The following EHBP1 variants were observed in gnomAD, a reference collection of about 807,000 sequenced individuals.
EHBP1 encodes the protein EH domain binding protein 1.
Under a neutral mutation model 144.0 loss-of-function variants are expected in EHBP1, and 55 were observed. That is an observed-to-expected ratio of 0.38 (90% CI 0.31 to 0.48). The LOEUF (loss-of-function observed/expected upper bound fraction) is 0.48. EHBP1 is among the 20% of genes least tolerant of loss of function. The pLI, the probability that EHBP1 is intolerant of heterozygous loss-of-function variation, is 0.98. For missense variants in EHBP1, 1,200 were observed against 1,364.2 expected (o/e 0.88, Z 1.90); for synonymous variants, 469 against 472.7 (o/e 0.99, Z 0.10).
intron 7 of EHBP1, among the ~76,000 whole-genome samples, chr2:62,854,887 G>A (rs2048926167): frequency 6.6e-6 from 1 of 152,190 alleles, no homozygotes; most frequent in Non-Finnish European, 1.5e-5. Flanking sequence ...CTGAGTTGGG[G>A]CTGGAGCTCC....
At chr2:62,836,639 C>T (rs1292271276) in intron 7 of EHBP1, among the ~76,000 whole-genome samples, 1 of 105,736 alleles carries the variant, frequency 9.5e-6, no homozygotes, top group African/African-American at 3.7e-5. Flanking sequence ...CAGAGAAGTG[C>T]TTAAAGGAGC....
At chr2:62,772,517 A>G (rs1262701822) in intron 5 of EHBP1, among the ~76,000 whole-genome samples, 1 of 152,258 alleles carries the variant, frequency 6.6e-6, no homozygotes, top group Non-Finnish European at 1.5e-5. Flanking sequence ...CTCTCCAAAC[A>G]TTTATTAATA....
intron 10 of EHBP1, among the ~76,000 whole-genome samples, chr2:62,920,113 A>G (rs1384979474): frequency 6.6e-6 from 1 of 152,186 alleles, no homozygotes; most frequent in Non-Finnish European, 1.5e-5. Context: ...AAAGACATGA[A>G]TGTAAACATC....
At chr2:62,715,895 C>T (rs1301617752) in intron 2 of EHBP1, among the ~76,000 whole-genome samples, 1 of 152,166 alleles carries the variant, frequency 6.6e-6, no homozygotes, top group South Asian at 2.1e-4. Context: ...TTTGCTACAA[C>T]AAACTAATCT....
intron 6 of EHBP1, among the ~76,000 whole-genome samples, chr2:62,830,207 C>CT (rs1363723033): frequency 2.5e-5 from 2 of 79,438 alleles, no homozygotes; most frequent in African/African-American, 8.9e-5. Context: ...TATATATACA[C>CT]ATATACACAC....
chr2:62,972,035 T>C (rs2058522705), intron 14 of EHBP1, among the ~76,000 whole-genome samples: 1 of 152,220 alleles, frequency 6.6e-6, no homozygotes, highest in Non-Finnish European at 1.5e-5. Context: ...AGGGGTTTCC[T>C]ATGTATTGGA....
At chr2:63,012,919 A>G (rs1165381270) in intron 19 of EHBP1, among the ~76,000 whole-genome samples, 1 of 152,218 alleles carries the variant, frequency 6.6e-6, no homozygotes, top group African/African-American at 2.4e-5. Flanking sequence ...GTTGAATAGT[A>G]GCATTAATGT....
At chr2:62,866,670 T>C (rs1156516446) in intron 9 of EHBP1, among the ~76,000 whole-genome samples, 2 of 152,012 alleles carry the variant, frequency 1.3e-5, no homozygotes, top group African/African-American at 4.8e-5. Flanking sequence ...CCTAAAGACA[T>C]AGCAATAGAA....
intron 2 of EHBP1, among the ~76,000 whole-genome samples, chr2:62,717,099 T>C (rs1469867990): frequency 6.6e-6 from 1 of 152,186 alleles, no homozygotes; most frequent in South Asian, 2.1e-4. Flanking sequence ...TTTCCTGTCA[T>C]GATTTTAAAG....
At chr2:62,853,794 C>T (rs781263162) in intron 7 of EHBP1, among the ~76,000 whole-genome samples, 4 of 152,234 alleles carry the variant, frequency 2.6e-5, no homozygotes, top group Non-Finnish European at 5.9e-5. Flanking sequence ...ATCTCCATCA[C>T]AGCTCTTGGG....
At chr2:62,774,948 G>A (rs1373694970) in intron 5 of EHBP1, among the ~76,000 whole-genome samples, 1 of 152,104 alleles carries the variant, frequency 6.6e-6, no homozygotes, top group Non-Finnish European at 1.5e-5. Flanking sequence ...AAAAATTACT[G>A]TATGAAAGAT....
intron 21 of EHBP1, among the ~76,000 whole-genome samples, chr2:63,042,849 A>C (rs991620018): frequency 1.3e-5 from 2 of 151,950 alleles, no homozygotes; most frequent in African/African-American, 4.8e-5. Context: ...GTTAAAATTT[A>C]TGTTTTCTTG....
chr2:62,788,035 T>A (rs2042932775), intron 5 of EHBP1, among the ~76,000 whole-genome samples: 1 of 152,186 alleles, frequency 6.6e-6, no homozygotes, highest in Non-Finnish European at 1.5e-5. Flanking sequence ...GGAGAATTTT[T>A]TTCTTTTTCT....
At chr2:63,014,668 A>G (rs1340424901) in intron 19 of EHBP1, among the ~76,000 whole-genome samples, 2 of 152,224 alleles carry the variant, frequency 1.3e-5, no homozygotes, top group South Asian at 2.1e-4. Flanking sequence ...AAAACTGGGT[A>G]CATTTTTATA....
intron 3 of EHBP1, among the ~76,000 whole-genome samples, chr2:62,749,389 T>A (rs1337996182): frequency 6.6e-5 from 10 of 152,254 alleles, no homozygotes; most frequent in African/African-American, 2.4e-4. Context: ...CTATCATTAA[T>A]GGACATTTGG....
At chr2:62,924,334 C>A (rs1287821255) in intron 10 of EHBP1, among the ~76,000 whole-genome samples, 1 of 151,962 alleles carries the variant, frequency 6.6e-6, no homozygotes, top group Non-Finnish European at 1.5e-5. Context: ...AAAGCAAGAG[C>A]AAACCAAAAC....
intron 19 of EHBP1, among the ~76,000 whole-genome samples, chr2:63,032,767 G>T (rs926241545): frequency 1.3e-5 from 2 of 152,032 alleles, no homozygotes; most frequent in African/African-American, 4.8e-5. Context: ...TAGAAGTCGT[G>T]TGTAGAAAGT....
At chr2:62,698,719 G>A (rs913378816) in intron 1 of EHBP1, among the ~76,000 whole-genome samples, 1 of 152,204 alleles carries the variant, frequency 6.6e-6, no homozygotes, top group South Asian at 2.1e-4. Flanking sequence ...CACTAATTGG[G>A]TGACTTGCTG....
chr2:62,696,782 G>T (rs1192354464), intron 1 of EHBP1, among the ~76,000 whole-genome samples: 1 of 151,944 alleles, frequency 6.6e-6, no homozygotes, highest in East Asian at 1.9e-4. Context: ...CTGCCAAAGT[G>T]CTGGGATTAC....
Sources: gnomAD v4.1 joint callset for allele counts (sites outside exome capture counted in the v4.1 genomes callset) on GRCh38, gnomAD v4.1.1 for gene constraint, MANE v1.5 for transcripts, NCBI Gene and HGNC (gene_info 2026-07-23, HGNC 2026-07-21) for gene names.